Variants in TGM6 observed in about 807,000 individuals in gnomAD.
The protein encoded by TGM6 is protein-glutamine gamma-glutamyltransferase 6.
TGM6 carries 74 observed loss-of-function variants against 77.5 expected under a neutral mutation model. The ratio of observed to expected loss-of-function variants is 0.96; its 90% CI spans 0.79 to 1.16. TGM6 has a LOEUF of 1.16. Ranked by LOEUF, TGM6 falls within the 50% of genes most tolerant of loss-of-function variation. The pLI is 0.00. For missense variants in TGM6, 968 were observed against 940.2 expected (o/e 1.03, Z -0.39); for synonymous variants, 383 against 378.9 (o/e 1.01, Z -0.12).
At chr20:2,431,470 ATCAT>A (rs2084923798) in intron 12 of TGM6, among the ~76,000 whole-genome samples, 1 of 152,138 alleles carries the variant, frequency 6.6e-6, no homozygotes, top group African/African-American at 2.4e-5. Context: ...TTCATTGTCA[ATCAT>A]TCATTCACTC....
At chr20:2,413,883 G>A (rs1220844678) in intron 9 of TGM6, among the ~76,000 whole-genome samples, 1 of 151,994 alleles carries the variant, frequency 6.6e-6, no homozygotes, top group Non-Finnish European at 1.5e-5. Context: ...AGTAACAAAG[G>A]AAAAAATTGG....
intron 9 of TGM6, among the ~76,000 whole-genome samples, chr20:2,405,494 G>C (rs1250003562): frequency 6.6e-6 from 1 of 152,178 alleles, no homozygotes; most frequent in Non-Finnish European, 1.5e-5. Flanking sequence ...AGGCTAAGAG[G>C]GAGGCAAAGA....
intron 1 of TGM6, among the ~76,000 whole-genome samples, chr20:2,389,869 C>T (rs2084619088): frequency 6.6e-6 from 1 of 152,190 alleles, no homozygotes; most frequent in Non-Finnish European, 1.5e-5. Context: ...TGGTCTCGAT[C>T]TACTGACATA....
At chr20:2,395,095 G>A in intron 2 of TGM6, 99 bp from the exon 3 acceptor site, 8 of 1,544,794 alleles carry the variant, frequency 5.2e-6, no homozygotes, top group Non-Finnish European at 7.0e-6. Flanking sequence ...AGAAGTTCAG[G>A]GGGTGAAGGT....
At chr20:2,392,087 G>A (rs778198906) in intron 1 of TGM6, among the ~76,000 whole-genome samples, 1 of 152,136 alleles carries the variant, frequency 6.6e-6, no homozygotes, top group African/African-American at 2.4e-5. Context: ...CTCCCTTAGG[G>A]TTCATCTCAA....
chr20:2,393,116 C>T (rs1402734508), intron 1 of TGM6, among the ~76,000 whole-genome samples: 1 of 152,210 alleles, frequency 6.6e-6, no homozygotes, highest in Non-Finnish European at 1.5e-5. Flanking sequence ...TCTGTATATG[C>T]ACGTTGCTAA....
intron 12 of TGM6, among the ~76,000 whole-genome samples, chr20:2,432,158 C>T (rs1360865340): frequency 1.3e-5 from 2 of 152,142 alleles, no homozygotes; most frequent in East Asian, 3.9e-4. Flanking sequence ...AAGCGATTCT[C>T]CTGTCTCAGC....
At chr20:2,428,162 T>C (rs1819945345) in intron 10 of TGM6, among the ~76,000 whole-genome samples, 1 of 152,156 alleles carries the variant, frequency 6.6e-6, no homozygotes, top group African/African-American at 2.4e-5. Flanking sequence ...TGTGATCCTT[T>C]TTGGTGAGTG....
intron 7 of TGM6, among the ~76,000 whole-genome samples, chr20:2,402,591 A>T (rs1292582093): frequency 6.6e-6 from 1 of 152,220 alleles, no homozygotes; most frequent in South Asian, 2.1e-4. Context: ...TTTCCCCAAC[A>T]AAAACAGTTG....
intron 9 of TGM6, among the ~76,000 whole-genome samples, chr20:2,409,383 AT>A (rs1434846385): frequency 6.6e-6 from 1 of 152,146 alleles, no homozygotes; most frequent in Non-Finnish European, 1.5e-5. Flanking sequence ...AAGAAGAAAG[AT>A]TTCAAATCAA....
chr20:2,383,236 C>T (rs1404300663), intron 1 of TGM6, among the ~76,000 whole-genome samples: 1 of 152,210 alleles, frequency 6.6e-6, no homozygotes, highest in African/African-American at 2.4e-5. Context: ...CTGGAAGATG[C>T]CACTGGCTTC....
rs145604055 is a variant in TGM6, at chr20:2,425,997, T to A, written c.1679-4449T>A. Among the ~76,000 whole-genome samples, 29 of 152,296 alleles carry A rather than the reference T, an allele frequency of 1.9e-4. No homozygotes were observed. The East Asian group carries it at 3.9e-3, about 20-fold the overall frequency. On this transcript the variant is annotated intron_variant, in intron 10 of 12. Coordinates refer to ENST00000202625, the MANE Select transcript of TGM6 (RefSeq NM_198994.3). Reference sequence around the variant, plus strand: ...TACCCATTATCCAACTTCTCTTCATTCCTGCCTCCCACCCACACATAAAGT... The same window carrying A: ...TACCCATTATCCAACTTCTCTTCATACCTGCCTCCCACCCACACATAAAGT...
At position 2,399,631 on chromosome 20, in the gene TGM6, C is replaced by T. The variant is rs142013495; in HGVS notation, c.743C>T (p.Pro248Leu). Reference protein sequence around the residue: ...WQGKYGGGTSPLHWRGSVAIL... With the variant: ...WQGKYGGGTSLLHWRGSVAIL... ...GGCAAGTACGGCGGCGGCACCAGCCCGCTGCACTGGCGCGGCAGCGTGGCC... is the reference window on the plus strand; with the variant it reads ...GGCAAGTACGGCGGCGGCACCAGCCTGCTGCACTGGCGCGGCAGCGTGGCC... Residue 248 changes from proline to leucine, a missense_variant, in exon 6 of 13, where the codon CCG (proline) becomes CTG (leucine). By Grantham distance (98) the Pro-to-Leu change is moderately conservative (BLOSUM62 -3). Coordinates refer to ENST00000202625, the MANE Select transcript of TGM6 (RefSeq NM_198994.3). 96 of 1,613,644 alleles carry T rather than the reference C, an allele frequency of 5.9e-5. 1 individual carries two copies. The African/African-American group carries it at 7.6e-4, about 13-fold the overall frequency.
At chr20:2,406,035 A>G (rs1285417396) in intron 9 of TGM6, among the ~76,000 whole-genome samples, 1 of 152,134 alleles carries the variant, frequency 6.6e-6, no homozygotes, top group African/African-American at 2.4e-5. Flanking sequence ...GATACCCCCA[A>G]ACCTTAACAC....
intron 9 of TGM6, among the ~76,000 whole-genome samples, chr20:2,414,307 A>C (rs2122401021): frequency 6.6e-6 from 1 of 152,336 alleles, no homozygotes; most frequent in South Asian, 2.1e-4. Context: ...TAAGCACATA[A>C]AAAGATGCTT....
chr20:2,381,054 CGTTT>C, intron 1 of TGM6, 79 bp downstream of exon 1: 1 of 1,554,728 alleles, frequency 6.4e-7, no homozygotes, highest in African/African-American at 1.3e-5. Context: ...TGTGGGATGA[CGTTT>C]GATCATCGAT....
intron 9 of TGM6, among the ~76,000 whole-genome samples, chr20:2,410,495 C>A (rs1472031524): frequency 6.6e-6 from 1 of 152,096 alleles, no homozygotes; most frequent in South Asian, 2.1e-4. Context: ...TTCTGTGAAC[C>A]CCTCTAGCAA....
intron 7 of TGM6, 122 bp downstream of exon 7, chr20:2,400,566 G>A: frequency 6.9e-7 from 1 of 1,457,082 alleles, no homozygotes. Context: ...CTGAATCTGA[G>A]CCGGCTCTGG....
chr20:2,387,714 C>G (rs923534715), intron 1 of TGM6, among the ~76,000 whole-genome samples: 1 of 152,202 alleles, frequency 6.6e-6, no homozygotes, highest in African/African-American at 2.4e-5. Context: ...TCCTGTGTAG[C>G]AAACTGCCCC....
Sources: gnomAD v4.1 joint callset for allele counts (sites outside exome capture counted in the v4.1 genomes callset) on GRCh38, gnomAD v4.1.1 for gene constraint, MANE v1.5 for transcripts, NCBI Gene and HGNC (gene_info 2026-07-23, HGNC 2026-07-21) for gene names.